The following GPN3 variants were observed in gnomAD, a reference collection of about 807,000 sequenced individuals.
The protein encoded by GPN3 is ATP-binding domain 1 family member C.
Under a neutral mutation model 38.7 loss-of-function variants are expected in GPN3, and 31 were observed. That is an observed-to-expected ratio of 0.80 (90% CI 0.60 to 1.08). GPN3 has a LOEUF of 1.08. GPN3 is among the 50% of genes least tolerant of loss of function. The probability of loss-of-function intolerance (pLI) is 0.00; values close to 1 mark genes in which losing one functional copy is unlikely to be tolerated. For synonymous variants in GPN3, 116 were observed against 120.2 expected, an observed-to-expected ratio of 0.96 and a Z score of 0.23; for missense variants, 301 against 354.4, an observed-to-expected ratio of 0.85 and a Z score of 1.21.
chr12:110,456,652 T>C (rs939343246), intron 4 of GPN3, among the ~76,000 whole-genome samples: 3 of 151,540 alleles, frequency 2.0e-5, no homozygotes, highest in African/African-American at 4.8e-5. Flanking sequence ...TTTTATAAAA[T>C]AGCCATCTGC....
intron 1 of GPN3, among the ~76,000 whole-genome samples, chr12:110,467,198 A>G (rs1290220537): frequency 6.6e-6 from 1 of 151,286 alleles, no homozygotes; most frequent in Non-Finnish European, 1.5e-5. Flanking sequence ...CCGTGTTGCC[A>G]AGGCTGGTCC....
In GPN3 at chr12:110,455,818, T is replaced by A; in HGVS notation, c.563A>T (p.Glu188Val). The change falls in exon 5 of 8, where the codon GAG becomes GTG. Residue 188 changes from glutamate to valine, a missense_variant. Glu to Val is a moderately radical substitution (Grantham distance 121). Coordinates refer to ENST00000228827, the MANE Select transcript of GPN3 (RefSeq NM_016301.4). Reference sequence around the variant, plus strand: ...AATGGAAGAACAGTGAACTCACTTCTCAATTTCCTTTTTTGCTTTTTTACT... The same window carrying A: ...AATGGAAGAACAGTGAACTCACTTCACAATTTCCTTTTTTGCTTTTTTACT... ...LLSKKAKKEI[E>V]KFLDPDMYSL... 6.7e-7 allele frequency: 1 copy of A among 1,487,366 alleles called. No individual in the cohort carries two copies. 92.1% of individuals were successfully genotyped at this position (1,487,366 alleles called of 1,614,324 possible). A position where few individuals can be genotyped will look rare whatever the true frequency, so the allele number is the denominator to read the frequency against.
chr12:110,453,187 A>G, intron 7 of GPN3, 91 bp from the exon 8 acceptor site: 1 of 643,372 alleles, frequency 1.6e-6, no homozygotes, highest in Non-Finnish European at 2.8e-6. Flanking sequence ...GTAATACCCT[A>G]TGTGGAACTA....
chr12:110,457,747 T>A, intron 3 of GPN3, 113 bp from the exon 4 acceptor site: 1 of 651,062 alleles, frequency 1.5e-6, no homozygotes, highest in Non-Finnish European at 2.5e-6. Flanking sequence ...AACACATTTT[T>A]AAGGGGCCCA....
chr12:110,464,591 C>CTTT lies in GPN3; in HGVS notation c.157+512_157+514dup, dbSNP rs890127843. 1.5e-4 allele frequency among the ~76,000 whole-genome samples: 20 copies of CTTT among 134,368 alleles called. No individual in the cohort carries two copies. The South Asian group carries it at 4.6e-3, about 31-fold the overall frequency. The allele number at this position is 134,368 out of a possible 152,430, so 88.2% of individuals were successfully genotyped here. On this transcript the variant is annotated intron_variant, in intron 2 of 7. Coordinates refer to ENST00000228827, the MANE Select transcript of GPN3 (RefSeq NM_016301.4). ...GGGTGCTGAGGGAAGTGTCCATTTA[C>CTTT]TTTTTTTTTTTTTTTTTTTGAGATG... is the stretch of plus-strand genomic sequence containing the variant.
rs558822023 is a variant in GPN3 at position 110,453,602 on chromosome 12, G to C, written c.792+141C>G. On this transcript the variant is annotated intron_variant, in intron 7 of 7. Coordinates refer to ENST00000228827, the MANE Select transcript of GPN3 (RefSeq NM_016301.4). Reference sequence around the variant, plus strand: ...TGTGGAGTACAGTGTTAATTTCAGAGATCACCCAGAAAAGCCCAGTTAACT... The same window carrying C: ...TGTGGAGTACAGTGTTAATTTCAGACATCACCCAGAAAAGCCCAGTTAACT... 13 of 639,462 alleles carry C rather than the reference G, an allele frequency of 2.0e-5. No individual in the cohort carries two copies. In the South Asian group the frequency reaches 2.1e-4, roughly 10 times the overall value. The allele number at this position is 639,462 out of a possible 1,614,324, so 39.6% of individuals were successfully genotyped here.
At chr12:110,464,364 G>A (rs992755681) in intron 2 of GPN3, among the ~76,000 whole-genome samples, 3 of 151,984 alleles carry the variant, frequency 2.0e-5, no homozygotes, top group African/African-American at 7.3e-5. Context: ...TTTCCTAAAG[G>A]GTTGGTGTGG....
chr12:110,458,122 T>TA lies in GPN3; in HGVS notation c.326-489dup, dbSNP rs944509206. 6.0e-5 allele frequency among the ~76,000 whole-genome samples: 9 copies of TA among 150,006 alleles called. No individual in the cohort carries two copies. The highest frequency in any genetic ancestry group is 3.5e-3 in the Middle Eastern group (1 of 288). ...CAGAGTAAGACTCTGTCTTTAAAAA[T>TA]AAAAAAAAAGAAAGAAAGAAAGAAA... On this transcript the variant is annotated intron_variant, in intron 3 of 7. Coordinates refer to ENST00000228827, the MANE Select transcript of GPN3 (RefSeq NM_016301.4). The surrounding 1 kb of genome is among the most constrained non-coding windows in gnomAD (Gnocchi z 4.4).
At chr12:110,462,553 C>T (rs1256773652) in intron 2 of GPN3, among the ~76,000 whole-genome samples, 2 of 152,094 alleles carry the variant, frequency 1.3e-5, no homozygotes, top group Non-Finnish European at 2.9e-5. Flanking sequence ...CTGGTGTACA[C>T]CTGGCTAACT....
chr12:110,453,701 A>G, intron 7 of GPN3, 42 bp downstream of exon 7: 1 of 1,557,372 alleles, frequency 6.4e-7, no homozygotes. Context: ...GCTGGCAAAT[A>G]TTTTTATCAA....
At chr12:110,454,339 T>C (rs73191804) in intron 6 of GPN3, among the ~76,000 whole-genome samples, 16,228 of 152,100 alleles carry the variant, frequency 0.11, 1,231 homozygotes, top group Non-Finnish European at 0.16. Flanking sequence ...AGGCAAACAC[T>C]TGACCAGGTG....
chr12:110,468,249 A>T lies in GPN3; in HGVS notation c.-46T>A. On this transcript the variant is annotated 5_prime_UTR_variant, in exon 1 of 8. Coordinates refer to ENST00000228827, the MANE Select transcript of GPN3 (RefSeq NM_016301.4). ...GCCACACTCCCTTAGCCTTCGCGCG[A>T]CGCCCACTGAGCTCCGGGAAAGTGA... The T allele has an allele frequency of 6.2e-7, 1 of 1,604,872 alleles. No individual in the cohort carries two copies. Among genetic ancestry groups the T allele is most frequent in the Non-Finnish European group, 8.5e-7 (1 of 1,179,620 alleles).
At position 110,466,015 on chromosome 12, in the gene GPN3, C is replaced by T. The variant is rs900656932; in HGVS notation, c.49-801G>A. 2.3e-4 allele frequency among the ~76,000 whole-genome samples: 35 copies of T among 151,204 alleles called. 1 individual carries two copies. The highest frequency in any genetic ancestry group is 1.3e-4 in the Admixed American group (2 of 15,106). Reference sequence around the variant, plus strand: ...TCGCTTGAACCCGGGAGGCAGAGGTCGCAGTGAGCTGAGATCACACCACTG... The same window carrying T: ...TCGCTTGAACCCGGGAGGCAGAGGTTGCAGTGAGCTGAGATCACACCACTG... On this transcript the variant is annotated intron_variant, in intron 1 of 7. Coordinates refer to ENST00000228827, the MANE Select transcript of GPN3 (RefSeq NM_016301.4).
chr12:110,465,256 TG>T, intron 1 of GPN3, 42 bp from the exon 2 acceptor site: 1 of 1,067,224 alleles, frequency 9.4e-7, no homozygotes, highest in Non-Finnish European at 1.5e-6. Context: ...CAACAGGTAG[TG>T]TAGTGCTACC....
At chr12:110,468,626 T>C (rs774478851), upstream of GPN3, 3 of 1,537,212 alleles carry the variant, frequency 2.0e-6, no homozygotes, top group Non-Finnish European at 2.6e-6. Flanking sequence ...ACCTCTTGTT[T>C]TGGGGAGCAT....
At chr12:110,461,311 T>C in intron 2 of GPN3, 5 of 1,150,212 alleles carry the variant, frequency 4.3e-6, no homozygotes, top group Non-Finnish European at 6.5e-6. Flanking sequence ...TGGTTACCTA[T>C]GTACCTGTCA....
intron 4 of GPN3, 116 bp downstream of exon 4, chr12:110,457,394 G>C: frequency 4.0e-6 from 3 of 743,674 alleles, no homozygotes; most frequent in Non-Finnish European, 3.8e-6. Context: ...GGAGGTTGCA[G>C]TGAGCTGAGA....
chr12:110,465,116 G>T lies in GPN3; in HGVS notation c.147C>A (p.Ser49=). The change falls in exon 2 of 8, where the codon TCC becomes TCA. Residue 49 remains serine, a synonymous_variant. Coordinates refer to ENST00000228827, the MANE Select transcript of GPN3 (RefSeq NM_016301.4). ...TTGCTCAGGACTTACCAGCCATCAC[G>T]GAGTAGTTGAAGTGTTCTGCTGCTG... ...LDPAAEHFNY[S]VMADIRELIE... 1.3e-6 allele frequency: 2 copies of T among 1,575,278 alleles called. No homozygotes were observed. The highest frequency in any genetic ancestry group is 1.7e-6 in the Non-Finnish European group (2 of 1,144,404).
intron 2 of GPN3, chr12:110,461,481 TCC>T: frequency 1.9e-6 from 1 of 518,516 alleles, no homozygotes; most frequent in Non-Finnish European, 3.4e-6. Context: ...GTGCCTGTAA[TCC>T]CAGCTGCTCG....
Sources: allele counts gnomAD v4.1 joint callset (sites outside exome capture counted in the v4.1 genomes callset), GRCh38; gene constraint gnomAD v4.1.1; non-coding constraint Gnocchi (gnomAD v3.1); transcripts MANE v1.5; gene names NCBI Gene and HGNC (gene_info 2026-07-23, HGNC 2026-07-21).